ITGA11: variants seen among roughly 807,000 people sequenced by gnomAD.
ITGA11 encodes integrin subunit alpha 11.
Under a neutral mutation model 141.9 loss-of-function variants are expected in ITGA11, and 97 were observed. The observed-to-expected ratio is 0.68, with a 90% CI of 0.58 to 0.81. ITGA11 has a LOEUF of 0.81. ITGA11 is among the 30% of genes least tolerant of loss of function. The pLI is 0.00. For missense variants in ITGA11, 1,387 were observed against 1,559.2 expected (o/e 0.89, Z 1.86); for synonymous variants, 658 against 624.6 (o/e 1.05, Z -0.80).
At position 68,405,077 on chromosome 15, in the gene ITGA11, C is replaced by T. The variant is rs571732791; in HGVS notation, c.53-2048G>A. Among the ~76,000 whole-genome samples, 3 of 150,988 alleles carry T rather than the reference C, an allele frequency of 2.0e-5. No homozygotes were observed. The South Asian group carries it at 6.3e-4, about 32-fold the overall frequency. Reference sequence around the variant, plus strand: ...TTCCCCTGGGCACTGACCCCCTGCTCAGTATTCAACTGTGAAGCCCTGGGG... The same window carrying T: ...TTCCCCTGGGCACTGACCCCCTGCTTAGTATTCAACTGTGAAGCCCTGGGG... On this transcript the variant is annotated intron_variant, in intron 1 of 29. Coordinates refer to ENST00000315757, the MANE Select transcript of ITGA11 (RefSeq NM_001004439.2).
Position 68,432,090 on chromosome 15 carries a change from C to A in ITGA11, c.-24G>T, listed in dbSNP as rs980419691. 6 of 1,365,814 alleles carry A rather than the reference C, an allele frequency of 4.4e-6. No individual in the cohort carries two copies. The African/African-American group carries it at 7.7e-5, about 17-fold the overall frequency. The allele number at this position is 1,365,814 out of a possible 1,614,324, so 84.6% of individuals were successfully genotyped here. A position where few individuals can be genotyped will look rare whatever the true frequency, so the allele number is the denominator to read the frequency against. On this transcript the variant is annotated 5_prime_UTR_variant, in exon 1 of 30. Transcript: ENST00000315757. ...ATGGCCCGCGGCACGGCGGCTGGGT[C>A]CGGTGTGCAGCGGCGGCGGGGGGCG... is the stretch of plus-strand genomic sequence containing the variant.
rs1218267054 is a variant in ITGA11 at position 68,303,031 on chromosome 15, C to A, written c.*28G>T. The A allele has an allele frequency of 2.0e-6, 3 of 1,531,456 alleles. No individual in the cohort carries two copies. The South Asian group carries it at 3.6e-5, about 18-fold the overall frequency. The allele number at this position is 1,531,456 out of a possible 1,614,324, so 94.9% of individuals were successfully genotyped here. The stretch of plus-strand genomic sequence containing the variant: ...ACTACCTGGACTGGTGTCCTGGCCC[C>A]CATCAACTCAAAGTCTCCTCTGGAG... On this transcript the variant is annotated 3_prime_UTR_variant, in exon 30 of 30. Coordinates refer to ENST00000315757, the MANE Select transcript of ITGA11 (RefSeq NM_001004439.2). This position sits in a 1 kb window ranked among gnomAD's most constrained non-coding sequence, Gnocchi z 5.3.
intron 1 of ITGA11, among the ~76,000 whole-genome samples, chr15:68,425,858 G>A (rs1487067894): frequency 6.6e-6 from 1 of 152,362 alleles, no homozygotes; most frequent in Non-Finnish European, 1.5e-5. Flanking sequence ...AGCCCCAGCT[G>A]CGCAGGCAGG....
intron 3 of ITGA11, among the ~76,000 whole-genome samples, chr15:68,366,480 G>A (rs1895427500): frequency 6.6e-6 from 1 of 152,124 alleles, no homozygotes. Context: ...ATGCTCCACT[G>A]GGCTGGGTAA....
intron 1 of ITGA11, among the ~76,000 whole-genome samples, chr15:68,409,331 GCTTTTAT>G (rs1896716812): frequency 6.6e-6 from 1 of 152,110 alleles, no homozygotes; most frequent in Non-Finnish European, 1.5e-5. Flanking sequence ...TCCATGAATG[GCTTTTAT>G]CTTTGCCCAG....
intron 10 of ITGA11, among the ~76,000 whole-genome samples, chr15:68,344,355 T>C (rs1391908681): frequency 6.6e-6 from 1 of 152,126 alleles, no homozygotes; most frequent in Non-Finnish European, 1.5e-5. Flanking sequence ...CATCAGCTTC[T>C]CTCATTTTTT....
At chr15:68,418,876 C>A (rs933475528) in intron 1 of ITGA11, among the ~76,000 whole-genome samples, 12 of 151,674 alleles carry the variant, frequency 7.9e-5, no homozygotes, top group African/African-American at 2.9e-4. Context: ...TGAGCCCCAG[C>A]CCAGAGAGTG....
intron 1 of ITGA11, among the ~76,000 whole-genome samples, chr15:68,404,103 T>C (rs554013989): frequency 1.3e-5 from 2 of 152,032 alleles, no homozygotes; most frequent in Non-Finnish European, 2.9e-5. Flanking sequence ...CTCTTTTTTT[T>C]CCCTCTCATT....
intron 8 of ITGA11, 147 bp from the exon 9 acceptor site, chr15:68,350,929 G>T: frequency 1.2e-6 from 1 of 800,070 alleles, no homozygotes; most frequent in Non-Finnish European, 2.0e-6. Context: ...ATTTGCATTT[G>T]GAATGGACTC....
chr15:68,426,057 G>T (rs1413613609), intron 1 of ITGA11, among the ~76,000 whole-genome samples: 1 of 152,210 alleles, frequency 6.6e-6, no homozygotes, highest in Non-Finnish European at 1.5e-5. Flanking sequence ...GGGGTAGGGG[G>T]TATCTGACCA....
At chr15:68,345,695 T>G (rs1894723083) in intron 10 of ITGA11, among the ~76,000 whole-genome samples, 1 of 152,198 alleles carries the variant, frequency 6.6e-6, no homozygotes, top group Admixed American at 6.5e-5. Flanking sequence ...GTGGCGCTTC[T>G]GGCAGGGAGG....
chr15:68,341,197 T>C (rs923139001), intron 10 of ITGA11, among the ~76,000 whole-genome samples: 34 of 152,334 alleles, frequency 2.2e-4, no homozygotes, highest in African/African-American at 7.0e-4. Flanking sequence ...ATGTTTCACG[T>C]TGTACTTTCT....
intron 3 of ITGA11, among the ~76,000 whole-genome samples, chr15:68,365,719 C>T (rs1299445343): frequency 6.6e-6 from 1 of 151,568 alleles, no homozygotes; most frequent in Non-Finnish European, 1.5e-5. Flanking sequence ...TTTTAATTTT[C>T]CCTTCCCTCC....
rs529906233 is a variant in ITGA11 at position 68,355,621 on chromosome 15, A to AT, written c.749+1529dup. 5.3e-5 allele frequency among the ~76,000 whole-genome samples: 8 copies of AT among 151,448 alleles called. No homozygotes were observed. The South Asian group carries it at 1.7e-3, about 32-fold the overall frequency. On this transcript the variant is annotated intron_variant, in intron 7 of 29. Coordinates refer to ENST00000315757, the MANE Select transcript of ITGA11 (RefSeq NM_001004439.2). ...ACCACCATGCCTGGCTAATTTTTGT[A>AT]TTTTTTGTAGAGATGAGGTCTCATG...
At chr15:68,369,042 T>C in intron 3 of ITGA11, 142 bp downstream of exon 3, 2 of 648,374 alleles carry the variant, frequency 3.1e-6, no homozygotes, top group Non-Finnish European at 5.5e-6. Context: ...ATGTGTAAAG[T>C]GGGGGCAGTG....
intron 5 of ITGA11, among the ~76,000 whole-genome samples, chr15:68,359,846 T>A (rs1411676076): frequency 6.6e-6 from 1 of 152,248 alleles, no homozygotes; most frequent in African/African-American, 2.4e-5. Flanking sequence ...CGTCTGGGCA[T>A]TGCTCATTTT....
chr15:68,419,180 G>A (rs767157655), intron 1 of ITGA11, among the ~76,000 whole-genome samples: 19 of 152,152 alleles, frequency 1.2e-4, no homozygotes, highest in East Asian at 1.9e-4. Flanking sequence ...GGCGGACTTT[G>A]GGGAGTGGAA....
Position 68,361,589 on chromosome 15 carries a change from C to A in ITGA11, c.472+1G>T, listed in dbSNP as rs1301489231. 6.3e-7 allele frequency: 1 copy of A among 1,594,990 alleles called. No homozygotes were observed. The highest frequency in any genetic ancestry group is 8.6e-7 in the Non-Finnish European group (1 of 1,169,506). On this transcript the variant is annotated splice_donor_variant, in intron 5 of 29. Coordinates refer to ENST00000315757, the MANE Select transcript of ITGA11 (RefSeq NM_001004439.2). LOFTEE classifies it high-confidence loss of function. ...GAGGTTGCAGATTTGAAGCCACTTACTTTGGAGAGCTGGGGCCACGGTCTT... is the reference window on the plus strand; with the variant it reads ...GAGGTTGCAGATTTGAAGCCACTTAATTTGGAGAGCTGGGGCCACGGTCTT...
chr15:68,367,210 G>A (rs1023718902), intron 3 of ITGA11, among the ~76,000 whole-genome samples: 3 of 151,922 alleles, frequency 2.0e-5, no homozygotes, highest in Non-Finnish European at 4.4e-5. Flanking sequence ...TCCTCCCTCT[G>A]GAGAGAAATG....
Sources: allele counts gnomAD v4.1 joint callset (sites outside exome capture counted in the v4.1 genomes callset), GRCh38; gene constraint gnomAD v4.1.1; non-coding constraint Gnocchi (gnomAD v3.1); transcripts MANE v1.5; gene names NCBI Gene and HGNC (gene_info 2026-07-23, HGNC 2026-07-21).